HS6ST3: variants seen among roughly 807,000 people sequenced by gnomAD.
HS6ST3 encodes the protein heparan sulfate 6-O-sulfotransferase 3.
Under a neutral mutation model 36.7 loss-of-function variants are expected in HS6ST3, and 12 were observed. The observed-to-expected ratio is 0.33, with a 90% CI of 0.21 to 0.53. The LOEUF (loss-of-function observed/expected upper bound fraction) is 0.53. HS6ST3 is among the 20% of genes least tolerant of loss of function. The probability of loss-of-function intolerance (pLI) is 0.95; values close to 1 mark genes in which losing one functional copy is unlikely to be tolerated. For synonymous variants in HS6ST3, 240 were observed against 257.5 expected (o/e 0.93, Z 0.65); for missense variants, 584 against 640.9 (o/e 0.91, Z 0.96).
intron 1 of HS6ST3, among the ~76,000 whole-genome samples, chr13:96,477,174 T>C (rs550341435): frequency 7.9e-5 from 12 of 152,276 alleles, no homozygotes; most frequent in African/African-American, 2.9e-4. Context: ...AGCTGTAAGA[T>C]GATAAACCTT....
intron 1 of HS6ST3, among the ~76,000 whole-genome samples, chr13:96,503,366 G>A (rs2056013270): frequency 6.6e-6 from 1 of 152,192 alleles, no homozygotes; most frequent in South Asian, 2.1e-4. Context: ...TACTGGCCTG[G>A]TGTTTAGCTA....
intron 1 of HS6ST3, among the ~76,000 whole-genome samples, chr13:96,506,449 G>A (rs537905786): frequency 2.0e-5 from 3 of 152,244 alleles, no homozygotes; most frequent in Admixed American, 2.0e-4. Context: ...ATATACAAGT[G>A]GGGAAACTTC....
Position 96,834,343 on chromosome 13 carries a change from T to A in HS6ST3, c.*1145T>A, listed in dbSNP as rs987738173. On this transcript the variant is annotated 3_prime_UTR_variant, in exon 2 of 2. Coordinates refer to ENST00000376705, the MANE Select transcript of HS6ST3 (RefSeq NM_153456.4). ...GGTTATCACAGGAGTTTAGAAAGAC[T>A]CTGCCTCCCAGCATCTTGAATATCT... 1 of 152,220 alleles carries A rather than the reference T, an allele frequency of 6.6e-6. No homozygotes were observed. The highest frequency in any genetic ancestry group is 1.5e-5 in the Non-Finnish European group (1 of 68,044). 9.4% of individuals were successfully genotyped at this position (152,220 alleles called of 1,614,324 possible). A position where few individuals can be genotyped will look rare whatever the true frequency, so the allele number is the denominator to read the frequency against.
chr13:96,794,231 T>G (rs1877857800), intron 1 of HS6ST3, among the ~76,000 whole-genome samples: 1 of 152,086 alleles, frequency 6.6e-6, no homozygotes, highest in Non-Finnish European at 1.5e-5. Flanking sequence ...TTTCAATCCC[T>G]GATCACTGAT....
chr13:96,818,113 TATTTGC>T (rs59891334), intron 1 of HS6ST3, among the ~76,000 whole-genome samples: 39,884 of 151,842 alleles, frequency 0.26, 5,420 homozygotes, highest in East Asian at 0.42. Context: ...TGAAGAAAAA[TATTTGC>T]AACTTAAGGT....
At chr13:96,197,390 A>G (rs952652182) in intron 1 of HS6ST3, among the ~76,000 whole-genome samples, 1 of 152,194 alleles carries the variant, frequency 6.6e-6, no homozygotes, top group African/African-American at 2.4e-5. Flanking sequence ...GGTCCCTCCC[A>G]CAACATGTGG....
chr13:96,424,323 A>G (rs1200602937), intron 1 of HS6ST3, among the ~76,000 whole-genome samples: 4 of 152,184 alleles, frequency 2.6e-5, no homozygotes, highest in African/African-American at 9.7e-5. Flanking sequence ...TCCAAACACA[A>G]AACACAATTA....
chr13:96,425,450 A>G (rs2055581980), intron 1 of HS6ST3, among the ~76,000 whole-genome samples: 1 of 152,242 alleles, frequency 6.6e-6, no homozygotes, highest in Admixed American at 6.5e-5. Flanking sequence ...GTTCATACAC[A>G]GGCTTCATTA....
intron 1 of HS6ST3, among the ~76,000 whole-genome samples, chr13:96,092,799 T>A (rs576348321): frequency 1.3e-5 from 2 of 152,308 alleles, no homozygotes; most frequent in Admixed American, 1.3e-4. Context: ...ATTATGAGAT[T>A]TTTTACTCTG....
intron 1 of HS6ST3, among the ~76,000 whole-genome samples, chr13:96,662,956 G>C (rs953250502): frequency 6.6e-6 from 1 of 152,142 alleles, no homozygotes; most frequent in East Asian, 1.9e-4. Context: ...ATTTTTGTTT[G>C]TTGGGAGGTG....
chr13:96,561,605 T>C (rs1245390244), intron 1 of HS6ST3, among the ~76,000 whole-genome samples: 1 of 151,960 alleles, frequency 6.6e-6, no homozygotes, highest in Non-Finnish European at 1.5e-5. Flanking sequence ...AGGCACCCTA[T>C]TGGATGGGAA....
At chr13:96,380,804 A>G (rs2055337200) in intron 1 of HS6ST3, among the ~76,000 whole-genome samples, 1 of 152,228 alleles carries the variant, frequency 6.6e-6, no homozygotes. Context: ...TTCATATTCC[A>G]AAACATTTAT....
chr13:96,445,694 C>G (rs563950699), intron 1 of HS6ST3, among the ~76,000 whole-genome samples: 2 of 151,152 alleles, frequency 1.3e-5, no homozygotes, highest in African/African-American at 4.9e-5. Flanking sequence ...CGGTGAAATC[C>G]CCGTCTCTAC....
At chr13:96,203,035 A>G (rs1289474546) in intron 1 of HS6ST3, among the ~76,000 whole-genome samples, 3 of 151,990 alleles carry the variant, frequency 2.0e-5, no homozygotes, top group Non-Finnish European at 4.4e-5. Flanking sequence ...TCCCTCACTC[A>G]TTTACTCATT....
intron 1 of HS6ST3, among the ~76,000 whole-genome samples, chr13:96,125,887 G>A (rs1470587270): frequency 1.3e-5 from 2 of 151,386 alleles, no homozygotes; most frequent in African/African-American, 2.4e-5. Context: ...CCATTAACTC[G>A]TCATTTAGCA....
intron 1 of HS6ST3, among the ~76,000 whole-genome samples, chr13:96,455,757 A>T (rs2055751690): frequency 1.3e-5 from 2 of 152,218 alleles, no homozygotes; most frequent in Admixed American, 1.3e-4. Context: ...TTTTGACTTT[A>T]TTGTAAACCA....
At chr13:96,392,725 G>A (rs765048016) in intron 1 of HS6ST3, among the ~76,000 whole-genome samples, 2 of 152,216 alleles carry the variant, frequency 1.3e-5, no homozygotes, top group Non-Finnish European at 2.9e-5. Context: ...TGGCTGAAGA[G>A]CAGTAAGCAT....
chr13:96,571,870 A>C (rs377291259), intron 1 of HS6ST3, among the ~76,000 whole-genome samples: 2 of 152,202 alleles, frequency 1.3e-5, no homozygotes, highest in East Asian at 1.9e-4. Flanking sequence ...AAAACAACAC[A>C]CTGAAGGGAA....
intron 1 of HS6ST3, among the ~76,000 whole-genome samples, chr13:96,540,887 T>C (rs1203976461): frequency 1.3e-5 from 2 of 151,926 alleles, no homozygotes; most frequent in Non-Finnish European, 2.9e-5. Context: ...ACTCAAGGAG[T>C]GTAGAGTCAG....
Sources: allele counts gnomAD v4.1 joint callset (sites outside exome capture counted in the v4.1 genomes callset), GRCh38; gene constraint gnomAD v4.1.1; transcripts MANE v1.5; gene names NCBI Gene and HGNC (gene_info 2026-07-23, HGNC 2026-07-21).